Variants in THTPA observed in about 807,000 individuals in gnomAD.
The protein encoded by THTPA is thiamine-triphosphatase.
THTPA carries 16 observed loss-of-function variants against 16.5 expected under a neutral mutation model. The observed-to-expected ratio is 0.97, with a 90% CI of 0.66 to 1.47. The LOEUF (loss-of-function observed/expected upper bound fraction) is 1.47, where lower values mean the gene tolerates loss of function less well. THTPA is among the 40% of genes most tolerant of loss of function. The pLI is 0.00. For missense variants in THTPA, 281 were observed against 280.9 expected (o/e 1.00, Z 0.00); for synonymous variants, 110 against 115.5 (o/e 0.95, Z 0.30).
Position 23,559,004 on chromosome 14 carries a change from C to G in THTPA, c.*164C>G, listed in dbSNP as rs1177423718. On this transcript the variant is annotated 3_prime_UTR_variant, in exon 2 of 2. Coordinates refer to ENST00000288014, the MANE Select transcript of THTPA (RefSeq NM_024328.6). ...TAAGCTACTCTTCCTTGAGCCCTCC[C>G]TGGCTGCTTCCTCTCGCTCATCCGT... The G allele has an allele frequency of 2.4e-6, 2 of 836,362 alleles. No homozygotes were observed. The highest frequency in any genetic ancestry group is 1.8e-6 in the Non-Finnish European group (1 of 552,442). 51.8% of individuals were successfully genotyped at this position (836,362 alleles called of 1,614,324 possible).
Position 23,559,005 on chromosome 14 carries a change from T to G in THTPA, c.*165T>G. 1.2e-6 allele frequency: 1 copy of G among 832,786 alleles called. No homozygotes were observed. Among genetic ancestry groups the G allele is most frequent in the Non-Finnish European group, 1.8e-6 (1 of 549,288 alleles). The allele number at this position is 832,786 out of a possible 1,614,324, so 51.6% of individuals were successfully genotyped here. ...AAGCTACTCTTCCTTGAGCCCTCCC[T>G]GGCTGCTTCCTCTCGCTCATCCGTC... On this transcript the variant is annotated 3_prime_UTR_variant, in exon 2 of 2. Coordinates refer to ENST00000288014, the MANE Select transcript of THTPA (RefSeq NM_024328.6).
chr14:23,557,197 A>T lies in THTPA; in HGVS notation c.440A>T (p.Asp147Val), dbSNP rs1166053750. The T allele has an allele frequency of 1.4e-5, 22 of 1,614,066 alleles. No homozygotes were observed. Among genetic ancestry groups the T allele is most frequent in the Non-Finnish European group, 1.9e-5 (22 of 1,180,008 alleles). The change falls in exon 1 of 2, where the codon GAT becomes GTT. Residue 147 changes from aspartate (D) to valine (V), a missense_variant. Physicochemically the swap from Asp to Val is radical, Grantham distance 152. Coordinates refer to ENST00000288014, the MANE Select transcript of THTPA (RefSeq NM_024328.6). ...EEEPQLRVDL[D>V]TADFGYAVGE... ...GAGCCACAGCTCAGGGTGGACTTGG[A>T]TACAGCCGACTTTGGCTACGCTGTG...
upstream of THTPA, chr14:23,551,681 C>A: frequency 6.4e-6 from 1 of 155,732 alleles, no homozygotes. This position sits in a 1 kb window ranked among gnomAD's most constrained non-coding sequence, Gnocchi z 5.3. Flanking sequence ...CCTTCTCCTC[C>A]TCGCCCTCCT....
upstream of THTPA, among the ~76,000 whole-genome samples, chr14:23,552,976 T>C (rs889760224): frequency 2.6e-5 from 4 of 152,202 alleles, no homozygotes; most frequent in African/African-American, 9.7e-5. Flanking sequence ...TTACATACAT[T>C]GTTTACTCCT....
the THTPA span, chr14:23,526,486 C>T: frequency 2.0e-6 from 3 of 1,536,018 alleles, no homozygotes; most frequent in Non-Finnish European, 1.7e-6. Context: ...CCCCAGTGGT[C>T]CCCTCTTCCT....
the THTPA span, chr14:23,533,219 G>C: frequency 1.4e-6 from 2 of 1,435,964 alleles, no homozygotes; most frequent in African/African-American, 2.9e-5. The surrounding 1 kb of genome is among the most constrained non-coding windows in gnomAD (Gnocchi z 4.8). Context: ...TTGGTCCTTG[G>C]GAGAAAGCAC....
At chr14:23,527,703 T>G in the THTPA span, 10 of 1,536,170 alleles carry the variant, frequency 6.5e-6, no homozygotes, top group Non-Finnish European at 8.7e-6. Context: ...CCTGGCACAG[T>G]GGGCATCTGT....
the THTPA span, chr14:23,531,626 C>T: frequency 6.6e-7 from 1 of 1,522,560 alleles, no homozygotes; most frequent in South Asian, 1.2e-5. Flanking sequence ...GGTGTTGCAG[C>T]ACAGCCAAGC....
chr14:23,535,014 C>G, the THTPA span: 1 of 1,536,050 alleles, frequency 6.5e-7, no homozygotes, highest in Non-Finnish European at 8.7e-7. This position sits in a 1 kb window ranked among gnomAD's most constrained non-coding sequence, Gnocchi z 4.5. Context: ...TGGGAGGGAG[C>G]CCTTCTTCTT....
chr14:23,544,809 C>T, the THTPA span, among the ~76,000 whole-genome samples: 1 of 152,176 alleles, frequency 6.6e-6, no homozygotes, highest in African/African-American at 2.4e-5. Context: ...GCTTTTGCAG[C>T]CCTGGCCACG....
the THTPA span, among the ~76,000 whole-genome samples, chr14:23,517,473 A>C: frequency 0.01 from 1,570 of 152,238 alleles, 25 homozygotes; most frequent in Non-Finnish European, 0.014. Flanking sequence ...ATTTCTTCCC[A>C]ACTCAGTCTC....
At chr14:23,525,418 G>A in the THTPA span, 15 of 1,536,054 alleles carry the variant, frequency 9.8e-6, no homozygotes, top group South Asian at 1.8e-4. This position sits in a 1 kb window ranked among gnomAD's most constrained non-coding sequence, Gnocchi z 5.9. Flanking sequence ...GGGCTTCAAA[G>A]GGCAGAAAGC....
At chr14:23,545,649 A>G in the THTPA span, among the ~76,000 whole-genome samples, 2 of 152,204 alleles carry the variant, frequency 1.3e-5, no homozygotes, top group Non-Finnish European at 2.9e-5. Flanking sequence ...AGGTTTGTGG[A>G]AACCACATAG....
At chr14:23,534,944 G>T in the THTPA span, 5 of 1,536,064 alleles carry the variant, frequency 3.3e-6, no homozygotes, top group African/African-American at 6.8e-5. This position sits in a 1 kb window ranked among gnomAD's most constrained non-coding sequence, Gnocchi z 4.5. Context: ...GGCAGGGACA[G>T]CTTGGCCACT....
chr14:23,530,650 G>A, the THTPA span: 1 of 346,748 alleles, frequency 2.9e-6, no homozygotes. Context: ...ATTGACAGAT[G>A]TGTAGGAATT....
the THTPA span, chr14:23,533,490 C>G: frequency 6.5e-7 from 1 of 1,536,018 alleles, no homozygotes; most frequent in Non-Finnish European, 8.7e-7. This position sits in a 1 kb window ranked among gnomAD's most constrained non-coding sequence, Gnocchi z 4.8. Context: ...CTGGCCCCAT[C>G]AATCCAGGTG....
chr14:23,557,407 T>G, intron 1 of THTPA, 103 bp downstream of exon 1: 2 of 1,319,204 alleles, frequency 1.5e-6, no homozygotes, highest in South Asian at 3.3e-5. Flanking sequence ...GATTAAAAAT[T>G]TTTTTTTTAA....
At chr14:23,553,879 G>T (rs1010676753), upstream of THTPA, among the ~76,000 whole-genome samples, 2 of 151,968 alleles carry the variant, frequency 1.3e-5, no homozygotes, top group Non-Finnish European at 2.9e-5. Flanking sequence ...GGGCGACAAA[G>T]CGAGACTCCG....
chr14:23,535,268 C>A, the THTPA span: 1 of 1,496,934 alleles, frequency 6.7e-7, no homozygotes, highest in South Asian at 1.3e-5. This position sits in a 1 kb window ranked among gnomAD's most constrained non-coding sequence, Gnocchi z 4.5. Context: ...AGGGACGGGG[C>A]ATTGTGCCCA....
Sources: allele counts gnomAD v4.1 joint callset (sites outside exome capture counted in the v4.1 genomes callset), GRCh38; gene constraint gnomAD v4.1.1; non-coding constraint Gnocchi (gnomAD v3.1); transcripts MANE v1.5; gene names NCBI Gene and HGNC (gene_info 2026-07-23, HGNC 2026-07-21).